The following DLG2 variants were observed in gnomAD, a reference collection of about 807,000 sequenced individuals.
DLG2 encodes the protein discs large MAGUK scaffold protein 2.
DLG2 carries 45 observed loss-of-function variants against 132.5 expected under a neutral mutation model. That is an observed-to-expected ratio of 0.34 (90% CI 0.27 to 0.44). The LOEUF (loss-of-function observed/expected upper bound fraction) is 0.44, where lower values mean the gene tolerates loss of function less well. Ranked by LOEUF, DLG2 falls within the 20% of genes least tolerant of loss-of-function variation. The pLI, the probability that DLG2 is intolerant of heterozygous loss-of-function variation, is 1.00. For synonymous variants in DLG2, 424 were observed against 419.6 expected (o/e 1.01, Z -0.13); for missense variants, 1,045 against 1,196.9 (o/e 0.87, Z 1.87).
intron 7 of DLG2, among the ~76,000 whole-genome samples, chr11:84,453,714 T>C (rs1219500584): frequency 6.6e-6 from 1 of 151,648 alleles, no homozygotes; most frequent in Non-Finnish European, 1.5e-5. Flanking sequence ...GTAAGTAAAC[T>C]AAAAGAAATG....
chr11:85,349,405 A>C (rs2083105809), intron 3 of DLG2, among the ~76,000 whole-genome samples: 1 of 152,020 alleles, frequency 6.6e-6, no homozygotes, highest in Non-Finnish European at 1.5e-5. Context: ...CCACACCTGG[A>C]TGGACTTTTT....
chr11:83,777,676 T>C (rs2094637906), intron 18 of DLG2, among the ~76,000 whole-genome samples: 1 of 152,144 alleles, frequency 6.6e-6, no homozygotes, highest in Non-Finnish European at 1.5e-5. Context: ...AAACTTAAAA[T>C]CATTATTGAA....
intron 3 of DLG2, among the ~76,000 whole-genome samples, chr11:85,485,194 GA>G (rs964552923): frequency 4.7e-5 from 7 of 148,634 alleles, no homozygotes; most frequent in African/African-American, 1.7e-4. Context: ...ACACTCTGGG[GA>G]CTGTTGTGGG....
At chr11:84,465,454 C>T (rs1487149433) in intron 7 of DLG2, among the ~76,000 whole-genome samples, 1 of 151,172 alleles carries the variant, frequency 6.6e-6, no homozygotes, top group African/African-American at 2.4e-5. Context: ...ATGTTACGTG[C>T]ACCATGAGAG....
intron 19 of DLG2, among the ~76,000 whole-genome samples, chr11:83,611,496 T>A (rs572867068): frequency 3.4e-4 from 52 of 152,316 alleles, no homozygotes; most frequent in Non-Finnish European, 5.3e-4. Context: ...CAAGCTTTGT[T>A]TTTTGCTTTT....
At chr11:85,364,848 T>A (rs996118093) in intron 3 of DLG2, among the ~76,000 whole-genome samples, 1 of 152,198 alleles carries the variant, frequency 6.6e-6, no homozygotes, top group African/African-American at 2.4e-5. Flanking sequence ...TCACATAGTT[T>A]TTTTGTTTTT....
chr11:83,741,080 A>T (rs985380757), intron 18 of DLG2, among the ~76,000 whole-genome samples: 6 of 152,204 alleles, frequency 3.9e-5, no homozygotes, highest in African/African-American at 1.4e-4. Flanking sequence ...ATGCAGAAAA[A>T]GCTTTTGATA....
intron 4 of DLG2, among the ~76,000 whole-genome samples, chr11:85,211,119 C>T (rs2082226051): frequency 6.6e-6 from 1 of 152,108 alleles, no homozygotes; most frequent in African/African-American, 2.4e-5. Flanking sequence ...TTATTAACTA[C>T]TAGATCTACA....
intron 6 of DLG2, chr11:84,640,018 C>T (rs898458641): frequency 7.6e-6 from 2 of 262,852 alleles, no homozygotes; most frequent in Non-Finnish European, 1.4e-5. Flanking sequence ...AGCAATCAGA[C>T]TGTCGGCACT....
chr11:84,821,038 A>G (rs1033818610), intron 6 of DLG2, among the ~76,000 whole-genome samples: 2 of 151,950 alleles, frequency 1.3e-5, no homozygotes, highest in African/African-American at 4.8e-5. Context: ...TGAATGAATG[A>G]ACAAATAAAA....
rs73503550 is a variant in DLG2, at chr11:85,481,227, G to A, written c.40+117430C>T. On this transcript the variant is annotated intron_variant, in intron 3 of 27. Coordinates refer to ENST00000376104, the MANE Select transcript of DLG2 (RefSeq NM_001142699.3). The stretch of plus-strand genomic sequence containing the variant: ...TAACGTGCTCAAATGGCACCTGTAC[G>A]GGTAGAATGGTATTTGATCAGTACA... Among the ~76,000 whole-genome samples, 1,043 of 152,246 alleles carry A rather than the reference G, an allele frequency of 6.9e-3. 12 individuals are homozygous for A. Among genetic ancestry groups the A allele is most frequent in the African/African-American group, 0.023 (972 of 41,528 alleles).
At chr11:84,729,476 C>T (rs1354020871) in intron 6 of DLG2, among the ~76,000 whole-genome samples, 1 of 152,086 alleles carries the variant, frequency 6.6e-6, no homozygotes, top group East Asian at 1.9e-4. Context: ...TTTGCATTTG[C>T]TGAAGCGTGT....
At chr11:84,911,699 G>A (rs2092074555) in intron 6 of DLG2, among the ~76,000 whole-genome samples, 1 of 152,100 alleles carries the variant, frequency 6.6e-6, no homozygotes, top group Admixed American at 6.5e-5. Flanking sequence ...AAATCCAAAT[G>A]TGTACAAATA....
At chr11:85,560,639 C>T (rs1484998985) in intron 3 of DLG2, among the ~76,000 whole-genome samples, 1 of 151,782 alleles carries the variant, frequency 6.6e-6, no homozygotes, top group African/African-American at 2.4e-5. Context: ...GATAGTTTCA[C>T]AACTTTGTAA....
intron 4 of DLG2, among the ~76,000 whole-genome samples, chr11:85,258,929 C>T (rs1014798728): frequency 3.9e-5 from 6 of 152,144 alleles, no homozygotes; most frequent in African/African-American, 1.4e-4. Flanking sequence ...ATCTTCATGA[C>T]TATTTTCTGA....
At chr11:85,541,778 A>C (rs2075991663) in intron 3 of DLG2, among the ~76,000 whole-genome samples, 1 of 152,124 alleles carries the variant, frequency 6.6e-6, no homozygotes, top group Non-Finnish European at 1.5e-5. Context: ...GTGCCTTTTT[A>C]CTCCTCTGCC....
intron 5 of DLG2, among the ~76,000 whole-genome samples, chr11:85,114,210 A>G (rs2073200185): frequency 6.6e-6 from 1 of 151,962 alleles, no homozygotes; most frequent in Non-Finnish European, 1.5e-5. Context: ...TAATGTGTAC[A>G]CTGTGGCATA....
chr11:85,263,126 A>T (rs751101662), intron 4 of DLG2, among the ~76,000 whole-genome samples: 1 of 152,204 alleles, frequency 6.6e-6, no homozygotes, highest in Non-Finnish European at 1.5e-5. Flanking sequence ...AGGGCATCCC[A>T]TCTATTGGAA....
At chr11:83,520,475 C>T (rs536183728) in intron 21 of DLG2, among the ~76,000 whole-genome samples, 1 of 152,290 alleles carries the variant, frequency 6.6e-6, no homozygotes, top group South Asian at 2.1e-4. Context: ...AATCCTTAGT[C>T]ATGATATACC....
Sources: allele counts gnomAD v4.1 joint callset (sites outside exome capture counted in the v4.1 genomes callset), GRCh38; gene constraint gnomAD v4.1.1; transcripts MANE v1.5; gene names NCBI Gene and HGNC (gene_info 2026-07-23, HGNC 2026-07-21).